The following TSBP1 variants were observed in gnomAD, a reference collection of about 807,000 sequenced individuals.
TSBP1 encodes testis-expressed basic protein 1.
In TSBP1, 56 loss-of-function variants were observed where a neutral mutation model predicts 68.8. The ratio of observed to expected loss-of-function variants is 0.81; its 90% CI spans 0.66 to 1.02. TSBP1 has a LOEUF of 1.02. TSBP1 is among the 50% of genes least tolerant of loss of function. The pLI, the probability that TSBP1 is intolerant of heterozygous loss-of-function variation, is 0.00. For missense variants in TSBP1, 502 were observed against 641.2 expected, an observed-to-expected ratio of 0.78 and a Z score of 2.34; for synonymous variants, 171 against 208.7, an observed-to-expected ratio of 0.82 and a Z score of 1.56.
Position 32,292,786 on chromosome 6 carries a change from C to T in TSBP1, c.*195G>A. 1 of 537,464 alleles carries T rather than the reference C, an allele frequency of 1.9e-6. No homozygotes were observed. The highest frequency in any genetic ancestry group is 3.2e-6 in the Non-Finnish European group (1 of 309,116). 33.3% of individuals were successfully genotyped at this position (537,464 alleles called of 1,614,324 possible). A position where few individuals can be genotyped will look rare whatever the true frequency, so the allele number is the denominator to read the frequency against. On this transcript the variant is annotated 3_prime_UTR_variant, in exon 23 of 23. Coordinates refer to ENST00000612031, the Ensembl canonical transcript of TSBP1. The surrounding 1 kb of genome is among the most constrained non-coding windows in gnomAD (Gnocchi z 4.1). ...ATCATATACGTCTTAACTTATAAAA[C>T]AAATATTTGGAAACTGAGGTTTGTG...
chr6:32,308,737 T>C (rs944614600), intron 19 of TSBP1, among the ~76,000 whole-genome samples: 3 of 152,028 alleles, frequency 2.0e-5, no homozygotes, highest in East Asian at 1.9e-4. Flanking sequence ...ATTTCTATTA[T>C]ATTAATAGTT....
chr6:32,323,568 G>A (rs1767877796), intron 17 of TSBP1, 23 bp downstream of exon 18: 4 of 1,608,620 alleles, frequency 2.5e-6, no homozygotes, highest in Admixed American at 3.3e-5. Context: ...ACAGAAAAGA[G>A]TAGAAAAAGA....
At position 32,333,605 on chromosome 6, in the gene TSBP1, A is replaced by C. The variant is rs1390636419; in HGVS notation, c.473-1551T>G. ...GGTGGCTATGTGGACACCTGCATAG[A>C]TCATGGCGAGTACTACTCCCACAGC... On this transcript the variant is annotated intron_variant, in intron 14 of 22. Transcript: ENST00000612031. This position sits in a 1 kb window ranked among gnomAD's most constrained non-coding sequence, Gnocchi z 4.2. Among the ~76,000 whole-genome samples the C allele has an allele frequency of 6.6e-6, 1 of 151,720 alleles. No homozygotes were observed. Among genetic ancestry groups the C allele is most frequent in the Non-Finnish European group, 1.5e-5 (1 of 67,878 alleles).
intron 16 of TSBP1, 134 bp from the exon 18 acceptor site, chr6:32,323,748 T>A: frequency 2.7e-6 from 2 of 733,068 alleles, no homozygotes; most frequent in Non-Finnish European, 2.3e-6. Context: ...TTATTTTTAA[T>A]ATGAATCAGC....
chr6:32,354,095 T>C (rs1265760), intron 8 of TSBP1, among the ~76,000 whole-genome samples: 72,287 of 151,618 alleles, frequency 0.48, 18,557 homozygotes, highest in Middle Eastern at 0.59. Context: ...TTGTGTGGTG[T>C]TGGGGGAGAG....
intron 15 of TSBP1, 125 bp from the exon 17 acceptor site, chr6:32,330,734 G>C: frequency 2.6e-6 from 3 of 1,174,440 alleles, no homozygotes; most frequent in Middle Eastern, 3.1e-4. Flanking sequence ...GTGGTAGGGT[G>C]ATCTTGGCTC....
rs1163019161 is a variant in TSBP1 at position 32,365,843 on chromosome 6, T to C, written c.217+324A>G. On this transcript the variant is annotated intron_variant, in intron 6 of 22. Transcript: ENST00000612031. The surrounding 1 kb of genome is among the most constrained non-coding windows in gnomAD (Gnocchi z 4.3). ...GGACTCCTGGACTCCCACAATGGTA[T>C]TGTCTCATCTGTGGATAGTTGTCTA... is the stretch of plus-strand genomic sequence containing the variant. 8.6e-6 allele frequency: 4 copies of C among 463,022 alleles called. No homozygotes were observed. Among genetic ancestry groups the C allele is most frequent in the Non-Finnish European group, 1.7e-5 (4 of 238,262 alleles). The allele number at this position is 463,022 out of a possible 1,614,324, so 28.7% of individuals were successfully genotyped here. A position where few individuals can be genotyped will look rare whatever the true frequency, so the allele number is the denominator to read the frequency against.
intron 16 of TSBP1, 112 bp from the exon 18 acceptor site, chr6:32,323,726 T>TA: frequency 3.4e-6 from 3 of 873,142 alleles, no homozygotes; most frequent in Non-Finnish European, 5.5e-6. Flanking sequence ...AAACTTTCCC[T>TA]TTGGTATTCA....
rs1554188790 is a variant in TSBP1 at position 32,310,762 on chromosome 6, T to TA, written c.580+5009_580+5010insT. Among the ~76,000 whole-genome samples, 5 of 95,490 alleles carry TA rather than the reference T, an allele frequency of 5.2e-5. No homozygotes were observed. The East Asian group carries it at 1.6e-3, about 30-fold the overall frequency. 62.6% of individuals were successfully genotyped at this position (95,490 alleles called of 152,430 possible). A position where few individuals can be genotyped will look rare whatever the true frequency, so the allele number is the denominator to read the frequency against. ...ATATATACATATATATATATATATATTTTTAATCTTTTTAGAAAGGATAGT... is the reference window on the plus strand; with the variant it reads ...ATATATACATATATATATATATATATATTTTAATCTTTTTAGAAAGGATAGT... On this transcript the variant is annotated intron_variant, in intron 19 of 22. Transcript: ENST00000612031.
intron 16 of TSBP1, chr6:32,326,003 T>C (rs1768179349): frequency 6.5e-7 from 1 of 1,543,774 alleles, no homozygotes; most frequent in Non-Finnish European, 8.8e-7. Context: ...TACAATGATT[T>C]TGGCAATTAC....
rs1772504755 is a variant in TSBP1 at position 32,357,730 on chromosome 6, GA to G, written c.218-2062del. On this transcript the variant is annotated intron_variant, in intron 6 of 22. Transcript: ENST00000612031. The surrounding 1 kb of genome is among the most constrained non-coding windows in gnomAD (Gnocchi z 4.7). The stretch of plus-strand genomic sequence containing the variant: ...ATGGTGGATTGGATGAAGAGAGTAG[GA>G]AAGGAGTTAAATATCATTCCAAGGT... Among the ~76,000 whole-genome samples the G allele has an allele frequency of 6.6e-6, 1 of 152,158 alleles. No individual in the cohort carries two copies. The highest frequency in any genetic ancestry group is 2.1e-4 in the South Asian group (1 of 4,832).
chr6:32,326,328 T>A, intron 16 of TSBP1: 2 of 620,710 alleles, frequency 3.2e-6, no homozygotes, highest in Non-Finnish European at 5.9e-6. Context: ...CTCATGTGTA[T>A]GGGCAAAAAA....
chr6:32,335,382 T>C lies in TSBP1; in HGVS notation c.472+55A>G. 2 of 1,461,366 alleles carry C rather than the reference T, an allele frequency of 1.4e-6. No individual in the cohort carries two copies. Among genetic ancestry groups the C allele is most frequent in the East Asian group, 2.6e-5 (1 of 38,378 alleles). The allele number at this position is 1,461,366 out of a possible 1,614,324, so 90.5% of individuals were successfully genotyped here. ...ATGAATAATTGAAATAAAAATAGATTGATGTTCTAAGTAAAGTACTAAAAG... is the reference window on the plus strand; with the variant it reads ...ATGAATAATTGAAATAAAAATAGATCGATGTTCTAAGTAAAGTACTAAAAG... On this transcript the variant is annotated intron_variant, in intron 14 of 22. Transcript: ENST00000612031. This position sits in a 1 kb window ranked among gnomAD's most constrained non-coding sequence, Gnocchi z 5.5.
chr6:32,352,470 C>A (rs1771830050), intron 8 of TSBP1, among the ~76,000 whole-genome samples: 1 of 151,512 alleles, frequency 6.6e-6, no homozygotes, highest in African/African-American at 2.4e-5. Context: ...TTCTAATATA[C>A]CAGCAGAAGG....
chr6:32,348,638 T>G (rs969891), intron 9 of TSBP1, among the ~76,000 whole-genome samples: 3 of 151,960 alleles, frequency 2.0e-5, no homozygotes, highest in Non-Finnish European at 4.4e-5. Flanking sequence ...CTGGGGGTAG[T>G]TGGACAACCT....
chr6:32,316,262 G>T lies in TSBP1; in HGVS notation c.560-470C>A, dbSNP rs1766939094. The T allele has an allele frequency of 1.5e-6, 1 of 647,524 alleles. No homozygotes were observed. Among genetic ancestry groups the T allele is most frequent in the Admixed American group, 3.0e-5 (1 of 32,836 alleles). 40.1% of individuals were successfully genotyped at this position (647,524 alleles called of 1,614,324 possible). A position where few individuals can be genotyped will look rare whatever the true frequency, so the allele number is the denominator to read the frequency against. ...CCCTCTTTTAATTAGTGTTTAAAAA[G>T]ATTCTCTGTAATATAGACCATGTAG... On this transcript the variant is annotated intron_variant, in intron 18 of 22. Coordinates refer to ENST00000612031, the Ensembl canonical transcript of TSBP1. This position sits in a 1 kb window ranked among gnomAD's most constrained non-coding sequence, Gnocchi z 4.5.
chr6:32,323,807 G>A lies in TSBP1; in HGVS notation c.515-193C>T, dbSNP rs1206883139. 7 of 611,924 alleles carry A rather than the reference G, an allele frequency of 1.1e-5. No homozygotes were observed. The Admixed American group carries it at 2.0e-4, about 18-fold the overall frequency. The allele number at this position is 611,924 out of a possible 1,614,324, so 37.9% of individuals were successfully genotyped here. A position where few individuals can be genotyped will look rare whatever the true frequency, so the allele number is the denominator to read the frequency against. On this transcript the variant is annotated intron_variant, in intron 16 of 22. Coordinates refer to ENST00000612031, the Ensembl canonical transcript of TSBP1. ...ATTAATAACTTCATGGAATTTTGAT[G>A]ATAGGAAAGTAAGTGGTTAAAGTAG...
In TSBP1 at chr6:32,367,169, A is replaced by T. The variant is rs139675585; in HGVS notation, c.166+756T>A. On this transcript the variant is annotated intron_variant, in intron 4 of 22. Coordinates refer to ENST00000612031, the Ensembl canonical transcript of TSBP1. ...ACAACTTTAGTGGCTTCCAGCAAGA[A>T]TGAGAGGTAGCTCTAGTGGTTCTTG... Among the ~76,000 whole-genome samples the T allele has an allele frequency of 5.1e-3, 773 of 151,620 alleles. 4 individuals carry two copies. In the Middle Eastern group the frequency reaches 0.061, roughly 12 times the overall value.
chr6:32,350,048 C>G (rs957981038), intron 8 of TSBP1: 1 of 673,044 alleles, frequency 1.5e-6, no homozygotes, highest in African/African-American at 1.8e-5. Context: ...AATCTGAGGA[C>G]ATTTTTCTGT....
Sources: allele counts gnomAD v4.1 joint callset (sites outside exome capture counted in the v4.1 genomes callset), GRCh38; gene constraint gnomAD v4.1.1; non-coding constraint Gnocchi (gnomAD v3.1); transcripts MANE v1.5; gene names NCBI Gene and HGNC (gene_info 2026-07-23, HGNC 2026-07-21).